Variants in SPAG16 observed in about 807,000 individuals in gnomAD.
SPAG16 encodes the protein sperm associated antigen 16, also known as sperm-associated antigen 16 protein.
Under a neutral mutation model 80.4 loss-of-function variants are expected in SPAG16, and 86 were observed. That is an observed-to-expected ratio of 1.07 (90% CI 0.90 to 1.28). SPAG16 has a LOEUF of 1.28. SPAG16 is among the 50% of genes most tolerant of loss of function. The pLI, the probability that SPAG16 is intolerant of heterozygous loss-of-function variation, is 0.00. For synonymous variants in SPAG16, 294 were observed against 265.9 expected (o/e 1.11, Z -1.03); for missense variants, 870 against 765.3 (o/e 1.14, Z -1.61).
intron 15 of SPAG16, among the ~76,000 whole-genome samples, chr2:214,173,688 CA>C (rs1343002581): frequency 6.6e-6 from 1 of 151,822 alleles, no homozygotes; most frequent in East Asian, 1.9e-4. Flanking sequence ...CTATTCCAAT[CA>C]ATAGAAAAAG....
intron 15 of SPAG16, among the ~76,000 whole-genome samples, chr2:214,256,833 C>T (rs1396332871): frequency 6.6e-6 from 1 of 151,720 alleles, no homozygotes; most frequent in Non-Finnish European, 1.5e-5. Flanking sequence ...TATAATAAGT[C>T]TTAAAGTCAA....
At chr2:213,976,453 C>T (rs1237197267) in intron 12 of SPAG16, among the ~76,000 whole-genome samples, 2 of 151,702 alleles carry the variant, frequency 1.3e-5, no homozygotes, top group Admixed American at 6.6e-5. Context: ...CCTATTGGAC[C>T]TTTCAAGTAT....
intron 10 of SPAG16, among the ~76,000 whole-genome samples, chr2:213,562,113 C>T (rs962488845): frequency 7.2e-5 from 11 of 152,152 alleles, no homozygotes; most frequent in African/African-American, 2.7e-4. Flanking sequence ...AATGGCCAGA[C>T]GATTGAATAT....
intron 10 of SPAG16, among the ~76,000 whole-genome samples, chr2:213,565,338 A>G (rs1413034735): frequency 6.6e-6 from 1 of 152,272 alleles, no homozygotes. Flanking sequence ...GACATAGTCC[A>G]GAAGTAAATA....
intron 13 of SPAG16, among the ~76,000 whole-genome samples, chr2:214,098,484 A>T (rs530497686): frequency 3.9e-5 from 6 of 152,174 alleles, no homozygotes; most frequent in Admixed American, 2.6e-4. Context: ...ATAGACACAG[A>T]TGAAAGGCCA....
chr2:213,711,636 T>C (rs2065992247), intron 10 of SPAG16, among the ~76,000 whole-genome samples: 1 of 151,778 alleles, frequency 6.6e-6, no homozygotes, highest in Non-Finnish European at 1.5e-5. Flanking sequence ...TCACCTCCCT[T>C]AGCCTCCTGA....
chr2:213,997,018 A>G (rs995640605), intron 12 of SPAG16, among the ~76,000 whole-genome samples: 6 of 152,180 alleles, frequency 3.9e-5, no homozygotes, highest in Admixed American at 3.9e-4. Context: ...CTTTGGGTAA[A>G]TGGAAAAGTT....
At chr2:214,396,625 T>C (rs1701398627) in intron 15 of SPAG16, among the ~76,000 whole-genome samples, 1 of 152,176 alleles carries the variant, frequency 6.6e-6, no homozygotes, top group African/African-American at 2.4e-5. Flanking sequence ...CATGTTCATG[T>C]GTTTTGTTCT....
chr2:214,137,983 G>T (rs1046715865), intron 14 of SPAG16, among the ~76,000 whole-genome samples: 2 of 152,002 alleles, frequency 1.3e-5, no homozygotes, highest in Non-Finnish European at 2.9e-5. Flanking sequence ...CAAAATTAGG[G>T]TGTTCATTGG....
chr2:213,287,230 A>G (rs2062088639), intron 1 of SPAG16, among the ~76,000 whole-genome samples: 1 of 152,244 alleles, frequency 6.6e-6, no homozygotes, highest in Admixed American at 6.5e-5. Flanking sequence ...TAAAGGGTCA[A>G]GTAGGTATCT....
At chr2:213,746,388 CAG>C (rs756556874) in intron 10 of SPAG16, among the ~76,000 whole-genome samples, 18 of 152,168 alleles carry the variant, frequency 1.2e-4, no homozygotes, top group Non-Finnish European at 2.1e-4. Context: ...AAGATTATAA[CAG>C]AGCTGAAAAA....
chr2:213,976,135 T>TATATATACACACACACACACACACAC (rs749957411), intron 12 of SPAG16, among the ~76,000 whole-genome samples: 1 of 81,416 alleles, frequency 1.2e-5, no homozygotes, highest in African/African-American at 3.8e-5. Flanking sequence ...TATATATATA[T>TATATATACACACACACACACACACAC]ACACACACAC....
Position 213,862,574 on chromosome 2 carries a change from T to G in SPAG16, c.1160T>G (p.Leu387Arg). 1 of 1,614,182 alleles carries G rather than the reference T, an allele frequency of 6.2e-7. No individual in the cohort carries two copies. Among genetic ancestry groups the G allele is most frequent in the Non-Finnish European group, 8.5e-7 (1 of 1,180,014 alleles). ...TTGGGCCTTCCAAAATGCAATGTGC[T>G]TCTCACGGGATTTGGCCACACTGAC... is the stretch of plus-strand genomic sequence containing the variant. ...KVLGLPKCNV[L>R]LTGFGHTDWL... The change falls in exon 11 of 16, where the codon CTT becomes CGT. Residue 387 changes from leucine (L) to arginine (R), a missense_variant. Transcript: ENST00000331683.
chr2:214,295,902 C>CT (rs1694098604), intron 15 of SPAG16, among the ~76,000 whole-genome samples: 1 of 152,056 alleles, frequency 6.6e-6, no homozygotes, highest in Non-Finnish European at 1.5e-5. Flanking sequence ...TAATTTTTAT[C>CT]TTTTTAAATT....
At chr2:214,122,322 A>G (rs2054260496) in intron 14 of SPAG16, among the ~76,000 whole-genome samples, 1 of 151,876 alleles carries the variant, frequency 6.6e-6, no homozygotes, top group African/African-American at 2.4e-5. Flanking sequence ...TACAATAATT[A>G]GGCAGTTAAA....
chr2:214,035,989 A>G (rs2125069236), intron 13 of SPAG16, among the ~76,000 whole-genome samples: 1 of 152,306 alleles, frequency 6.6e-6, no homozygotes, highest in South Asian at 2.1e-4. Context: ...ACTAGTTTTA[A>G]TATCCATTGA....
rs144026520 is a variant in SPAG16, at chr2:213,451,485, A to G, written c.943-38478A>G. 1.1e-4 allele frequency among the ~76,000 whole-genome samples: 17 copies of G among 152,306 alleles called. No individual in the cohort carries two copies. The East Asian group carries it at 2.7e-3, about 24-fold the overall frequency. ...ACATATTCATACATGAACTCATAGTATCTCCCATCTCTACTAAAAGGCCTC... is the reference window on the plus strand; with the variant it reads ...ACATATTCATACATGAACTCATAGTGTCTCCCATCTCTACTAAAAGGCCTC... On this transcript the variant is annotated intron_variant, in intron 9 of 15. Transcript: ENST00000331683.
At chr2:214,037,770 AT>A (rs1341452891) in intron 13 of SPAG16, among the ~76,000 whole-genome samples, 2 of 151,528 alleles carry the variant, frequency 1.3e-5, no homozygotes, top group Non-Finnish European at 2.9e-5. Flanking sequence ...GAAAAGAATA[AT>A]TTTTCCCATA....
intron 13 of SPAG16, among the ~76,000 whole-genome samples, chr2:214,017,223 A>C (rs1375084520): frequency 6.6e-6 from 1 of 152,186 alleles, no homozygotes; most frequent in African/African-American, 2.4e-5. Flanking sequence ...TTAGGTACAA[A>C]GGTCCGACAA....
Sources: allele counts gnomAD v4.1 joint callset (sites outside exome capture counted in the v4.1 genomes callset), GRCh38; gene constraint gnomAD v4.1.1; transcripts MANE v1.5; gene names NCBI Gene and HGNC (gene_info 2026-07-23, HGNC 2026-07-21).